Variants in PSMD2 observed in about 807,000 individuals in gnomAD.
The protein encoded by PSMD2 is 26S proteasome non-ATPase regulatory subunit 2.
Under a neutral mutation model 101.5 loss-of-function variants are expected in PSMD2, and 8 were observed. The observed-to-expected ratio is 0.08, with a 90% confidence interval of 0.05 to 0.14. PSMD2 has a LOEUF of 0.14. PSMD2 is among the 10% of genes least tolerant of loss of function. The probability of loss-of-function intolerance (pLI) is 1.00; values close to 1 mark genes in which losing one functional copy is unlikely to be tolerated. For missense variants in PSMD2, 784 were observed against 1,147.4 expected, an observed-to-expected ratio of 0.68 and a Z score of 4.58; for synonymous variants, 418 against 433.8, an observed-to-expected ratio of 0.96 and a Z score of 0.45.
chr3:184,301,284 C>T (rs1036685670), intron 3 of PSMD2, among the ~76,000 whole-genome samples: 7 of 149,820 alleles, frequency 4.7e-5, no homozygotes, highest in Non-Finnish European at 8.9e-5. Context: ...TGCAGTGAAC[C>T]GAGAGCACAC....
Position 184,307,723 on chromosome 3 carries a change from T to A in PSMD2, c.2298+15T>A, listed in dbSNP as rs759422770. ...GCTTGGCACAGGTAAAGAATAGAAC[T>A]CCTCCACAGAGCGTGCCGGGGAAGT... is the stretch of plus-strand genomic sequence containing the variant. On this transcript the variant is annotated intron_variant, in intron 18 of 20. Coordinates refer to ENST00000310118, the MANE Select transcript of PSMD2 (RefSeq NM_002808.5). 2 of 1,612,308 alleles carry A rather than the reference T, an allele frequency of 1.2e-6. No individual in the cohort carries two copies. Among genetic ancestry groups the A allele is most frequent in the Non-Finnish European group, 1.7e-6 (2 of 1,178,422 alleles).
rs1225398933 is a variant in PSMD2, at chr3:184,307,611, C to T, written c.2204-3C>T. On this transcript the variant is annotated splice_polypyrimidine_tract_variant and splice_region_variant and intron_variant, in intron 17 of 20. Transcript: ENST00000310118. ...TCACTTCTGTAATGCTTAACATTTC[C>T]AGGTACCAATAATGCCCGTCTGGCT... 14 of 1,614,086 alleles carry T rather than the reference C, an allele frequency of 8.7e-6. No individual in the cohort carries two copies. Among genetic ancestry groups the T allele is most frequent in the Non-Finnish European group, 1.0e-5 (12 of 1,180,036 alleles).
At chr3:184,305,628 T>G in intron 12 of PSMD2, 140 bp from the exon 13 acceptor site, 2 of 764,824 alleles carry the variant, frequency 2.6e-6, no homozygotes, top group Non-Finnish European at 4.1e-6. Flanking sequence ...GAATAATGAC[T>G]ACTATTGTTA....
chr3:184,304,049 A>G lies in PSMD2; in HGVS notation c.1426A>G (p.Thr476Ala). ...LSDYVLHNSN[T>A]MRLGSIFGLG... Reference sequence around the variant, plus strand: ...AGACTATGTTCTCCACAACAGCAACACCATGAGACTTGGTTCCATCTTTGG... The same window carrying G: ...AGACTATGTTCTCCACAACAGCAACGCCATGAGACTTGGTTCCATCTTTGG... Residue 476 changes from threonine (T) to alanine (A), a missense_variant, in exon 11 of 21, where the codon ACC (threonine) becomes GCC (alanine). Physicochemically the swap from Thr to Ala is moderately conservative, Grantham distance 58. This residue lies in a region of PSMD2 where 282 missense variants were observed against 437.6 expected (regional missense o/e 0.64). Coordinates refer to ENST00000310118, the MANE Select transcript of PSMD2 (RefSeq NM_002808.5). This position sits in a 1 kb window ranked among gnomAD's most constrained non-coding sequence, Gnocchi z 4.1. 2 of 1,614,160 alleles carry G rather than the reference A, an allele frequency of 1.2e-6. No homozygotes were observed. The highest frequency in any genetic ancestry group is 1.7e-6 in the Non-Finnish European group (2 of 1,180,020).
Position 184,308,700 on chromosome 3 carries a change from C to T in PSMD2, c.2545-8C>T. The T allele has an allele frequency of 6.2e-7, 1 of 1,610,672 alleles. No individual in the cohort carries two copies. Among genetic ancestry groups the T allele is most frequent in the Non-Finnish European group, 8.5e-7 (1 of 1,177,386 alleles). Reference sequence around the variant, plus strand: ...TCCATCTCTCTTTTCAATTTTCTTACCCTACAGGCAGTGGATGTGGTGGGC... The same window carrying T: ...TCCATCTCTCTTTTCAATTTTCTTATCCTACAGGCAGTGGATGTGGTGGGC... On this transcript the variant is annotated splice_polypyrimidine_tract_variant and splice_region_variant and intron_variant, in intron 20 of 20. Coordinates refer to ENST00000310118, the MANE Select transcript of PSMD2 (RefSeq NM_002808.5). The surrounding 1 kb of genome is among the most constrained non-coding windows in gnomAD (Gnocchi z 6.0).
intron 5 of PSMD2, 37 bp downstream of exon 5, chr3:184,302,108 C>T (rs746220117): frequency 4.5e-5 from 72 of 1,593,956 alleles, no homozygotes; most frequent in Non-Finnish European, 5.8e-5. Context: ...GCAGGCATGC[C>T]CTCCTCAGCA....
At position 184,301,883 on chromosome 3, in the gene PSMD2, G is replaced by A. The variant is rs1354623150; in HGVS notation, c.516G>A (p.Glu172=). The A allele has an allele frequency of 1.9e-5, 30 of 1,614,120 alleles. No individual in the cohort carries two copies. The highest frequency in any genetic ancestry group is 2.4e-5 in the Non-Finnish European group (28 of 1,180,052). Residue 172 remains glutamate (E), a synonymous_variant, in exon 5 of 21, where the codon GAG becomes GAA. Coordinates refer to ENST00000310118, the MANE Select transcript of PSMD2 (RefSeq NM_002808.5). ...LAGEVAKEWQ[E]LDDAEKVQRE... ...GAGAAGTGGCTAAGGAGTGGCAGGA[G>A]CTGGATGACGCAGAGAAGGTCCAGC...
Position 184,306,356 on chromosome 3 carries a change from G to C in PSMD2, c.1811G>C (p.Gly604Ala). Residue 604 changes from glycine (G) to alanine (A), a missense_variant, in exon 15 of 21, where the codon GGG becomes GCG. Gly to Ala is a moderately conservative substitution (Grantham distance 60). Coordinates refer to ENST00000310118, the MANE Select transcript of PSMD2 (RefSeq NM_002808.5). ...LVDVCAYAGSGNVLKVQQLLH... is the reference protein window; with the variant it reads ...LVDVCAYAGSANVLKVQQLLH... Reference sequence around the variant, plus strand: ...CCTCACCACCCTGACGCAGGCTCTGGGAATGTGCTGAAGGTGCAGCAGCTG... The same window carrying C: ...CCTCACCACCCTGACGCAGGCTCTGCGAATGTGCTGAAGGTGCAGCAGCTG... 1 of 1,613,914 alleles carries C rather than the reference G, an allele frequency of 6.2e-7. No homozygotes were observed. Among genetic ancestry groups the C allele is most frequent in the Non-Finnish European group, 8.5e-7 (1 of 1,179,942 alleles).
chr3:184,306,696 G>A (rs771972329), intron 15 of PSMD2, 55 bp from the exon 16 acceptor site: 22 of 1,574,614 alleles, frequency 1.4e-5, no homozygotes, highest in Non-Finnish European at 1.8e-5. Flanking sequence ...TGAGTCAAGG[G>A]TGACTGTTTT....
In PSMD2 at chr3:184,299,287, C is replaced by T; in HGVS notation, c.21C>T (p.Asp7=). MEEGGR[D]KAPVQPQQSP... is the part of the protein sequence containing the mutation. ...CGGAGATGGAGGAGGGAGGCCGGGACAAGGCGCCGGTGCAGCCCCAGCAGT... is the reference window on the plus strand; with the variant it reads ...CGGAGATGGAGGAGGGAGGCCGGGATAAGGCGCCGGTGCAGCCCCAGCAGT... Residue 7 remains aspartate (D), a synonymous_variant, in exon 1 of 21, where the codon GAC becomes GAT. Coordinates refer to ENST00000310118, the MANE Select transcript of PSMD2 (RefSeq NM_002808.5). 2.9e-6 allele frequency: 4 copies of T among 1,365,992 alleles called. No individual in the cohort carries two copies. Among genetic ancestry groups the T allele is most frequent in the South Asian group, 1.6e-5 (1 of 61,512 alleles). The allele number at this position is 1,365,992 out of a possible 1,614,324, so 84.6% of individuals were successfully genotyped here.
At chr3:184,302,268 G>A (rs1560194238) in intron 5 of PSMD2, 102 bp from the exon 6 acceptor site, 2 of 1,289,060 alleles carry the variant, frequency 1.6e-6, no homozygotes, top group Non-Finnish European at 1.1e-6. Flanking sequence ...ACAGTGCCTG[G>A]TGTATATAGT....
At chr3:184,299,516 G>A (rs1721571588) in intron 1 of PSMD2, 115 bp downstream of exon 1, 2 of 1,285,530 alleles carry the variant, frequency 1.6e-6, no homozygotes, top group Non-Finnish European at 2.0e-6. Flanking sequence ...AGGGCGGTTG[G>A]GGCGACCCTC....
At position 184,302,088 on chromosome 3, in the gene PSMD2, G is replaced by A. The variant is rs543527152; in HGVS notation, c.704+17G>A. 3.1e-6 allele frequency: 5 copies of A among 1,610,512 alleles called. No individual in the cohort carries two copies. The South Asian group carries it at 5.5e-5, about 18-fold the overall frequency. ...TCTCACCAGGTGAGTGAACATGGTA[G>A]GGAAGGGTGGCAGGCATGCCCTCCT... is the stretch of plus-strand genomic sequence containing the variant. On this transcript the variant is annotated intron_variant, in intron 5 of 20. Coordinates refer to ENST00000310118, the MANE Select transcript of PSMD2 (RefSeq NM_002808.5).
chr3:184,308,393 T>A lies in PSMD2; in HGVS notation c.2426-56T>A. On this transcript the variant is annotated intron_variant, in intron 19 of 20. Transcript: ENST00000310118. This position sits in a 1 kb window ranked among gnomAD's most constrained non-coding sequence, Gnocchi z 6.0. ...AGCGCTGAGGTGGGCTCTCAATGTT[T>A]CTGGCCAGGCCTGTCTTTTTGTCTC... 1.4e-6 allele frequency: 2 copies of A among 1,416,046 alleles called. No homozygotes were observed. The highest frequency in any genetic ancestry group is 2.0e-6 in the Non-Finnish European group (2 of 1,025,172). 87.7% of individuals were successfully genotyped at this position (1,416,046 alleles called of 1,614,324 possible). A position where few individuals can be genotyped will look rare whatever the true frequency, so the allele number is the denominator to read the frequency against.
chr3:184,300,351 C>T lies in PSMD2; in HGVS notation c.264C>T (p.Ser88=). The change falls in exon 3 of 21, where the codon TCC becomes TCT. Residue 88 remains serine, a synonymous_variant. Transcript: ENST00000310118. ...LRRQIRSSTT[S]MTSVPKPLKF... ...GGCAGATTCGTTCTTCTACAACTTCCATGACTTCAGTGCCCAAGCCTCTCA... is the reference window on the plus strand; with the variant it reads ...GGCAGATTCGTTCTTCTACAACTTCTATGACTTCAGTGCCCAAGCCTCTCA... The T allele has an allele frequency of 6.2e-7, 1 of 1,613,896 alleles. No homozygotes were observed. The highest frequency in any genetic ancestry group is 8.5e-7 in the Non-Finnish European group (1 of 1,179,754).
Position 184,308,803 on chromosome 3 carries a change from A to G in PSMD2, c.2640A>G (p.Ala880=). The change falls in exon 21 of 21, where the codon GCA becomes GCG. Residue 880 remains alanine, a synonymous_variant. Coordinates refer to ENST00000310118, the MANE Select transcript of PSMD2 (RefSeq NM_002808.5). This position sits in a 1 kb window ranked among gnomAD's most constrained non-coding sequence, Gnocchi z 6.0. ...TPVLLAHGER[A]ELATEEFLPV... ...TGTTGTTGGCCCACGGGGAACGGGC[A>G]GAATTGGCCACTGAGGAGTTTCTTC... 1.9e-6 allele frequency: 3 copies of G among 1,613,842 alleles called. No individual in the cohort carries two copies. The highest frequency in any genetic ancestry group is 2.5e-6 in the Non-Finnish European group (3 of 1,180,030).
Position 184,306,492 on chromosome 3 carries a change from T to G in PSMD2, c.1947T>G (p.His649Gln). 1 of 1,613,218 alleles carries G rather than the reference T, an allele frequency of 6.2e-7. No individual in the cohort carries two copies. Among genetic ancestry groups the G allele is most frequent in the Non-Finnish European group, 8.5e-7 (1 of 1,179,608 alleles). ...AAGCCCCTGCTGACATGGGAGCACA[T>G]CAGGTTATATGGGCAGCTGGGCACT... ...KKEAPADMGA[H>Q]QGVAVLGIAL... The change falls in exon 15 of 21, where the codon CAT becomes CAG. Residue 649 changes from histidine (H) to glutamine (Q), a missense_variant. This residue lies in a region of PSMD2 where 282 missense variants were observed against 437.6 expected (regional missense o/e 0.64). Transcript: ENST00000310118.
Position 184,308,843 on chromosome 3 carries a change from C to T in PSMD2, c.2680C>T (p.Leu894=), listed in dbSNP as rs1721935921. Residue 894 remains leucine (L), a synonymous_variant, in exon 21 of 21, where the codon CTG becomes TTG. Transcript: ENST00000310118. The surrounding 1 kb of genome is among the most constrained non-coding windows in gnomAD (Gnocchi z 6.0). ...GGAGTTTCTTCCTGTTACCCCCATT[C>T]TGGAAGGTTTTGTTATCCTTCGGAA... The part of the protein sequence containing the change: ...TEEFLPVTPI[L]EGFVILRKNP... 2.5e-6 allele frequency: 4 copies of T among 1,612,884 alleles called. No homozygotes were observed. Among genetic ancestry groups the T allele is most frequent in the Non-Finnish European group, 3.4e-6 (4 of 1,180,020 alleles).
At position 184,308,546 on chromosome 3, in the gene PSMD2, A is replaced by C; in HGVS notation, c.2523A>C (p.Pro841=). Residue 841 remains proline, a synonymous_variant, in exon 20 of 21, where the codon CCA becomes CCC. Transcript: ENST00000310118. This position sits in a 1 kb window ranked among gnomAD's most constrained non-coding sequence, Gnocchi z 6.0. Reference sequence around the variant, plus strand: ...TTGATGAGGAGCTGCGGCCATTGCCAGTGTCTGTCCGTGTGGGCCAGGTGA... The same window carrying C: ...TTGATGAGGAGCTGCGGCCATTGCCCGTGTCTGTCCGTGTGGGCCAGGTGA... ...VTFDEELRPL[P]VSVRVGQAVD... is the part of the protein sequence containing the mutation. The C allele has an allele frequency of 6.2e-7, 1 of 1,613,864 alleles. No homozygotes were observed. The highest frequency in any genetic ancestry group is 1.7e-4 in the Middle Eastern group (1 of 5,892).
Sources: gnomAD v4.1 joint callset for allele counts (sites outside exome capture counted in the v4.1 genomes callset) on GRCh38, gnomAD v4.1.1 for gene constraint, gnomAD v4.1.1 regional missense constraint, Gnocchi (gnomAD v3.1) non-coding constraint, MANE v1.5 for transcripts, NCBI Gene and HGNC (gene_info 2026-07-23, HGNC 2026-07-21) for gene names.